The following FAM193A variants were observed in gnomAD, a reference collection of about 807,000 sequenced individuals.
FAM193A encodes protein FAM193A.
Under a neutral mutation model 126.5 loss-of-function variants are expected in FAM193A, and 22 were observed. The observed-to-expected ratio is 0.17, with a 90% CI of 0.12 to 0.25. The LOEUF is 0.25. FAM193A is among the 10% of genes least tolerant of loss of function. FAM193A has a pLI of 1.00. For synonymous variants in FAM193A, 761 were observed against 646.8 expected (o/e 1.18, Z -2.68); for missense variants, 1,675 against 1,672.8 (o/e 1.00, Z -0.02).
intron 13 of FAM193A, among the ~76,000 whole-genome samples, chr4:2,676,603 G>C (rs1714428624): frequency 6.6e-6 from 1 of 152,020 alleles, no homozygotes; most frequent in South Asian, 2.1e-4. Flanking sequence ...CCATTCTGTG[G>C]GTTGCCTTTT....
chr4:2,710,414 C>G (rs1577252000), intron 19 of FAM193A, among the ~76,000 whole-genome samples: 1 of 152,158 alleles, frequency 6.6e-6, no homozygotes, highest in Admixed American at 6.5e-5. Context: ...ACCTCATGAT[C>G]CACCCGCCTT....
intron 6 of FAM193A, among the ~76,000 whole-genome samples, chr4:2,641,269 A>T (rs1577119393): frequency 6.6e-6 from 1 of 150,652 alleles, no homozygotes; most frequent in African/African-American, 2.4e-5. Context: ...GTGGTCTTGA[A>T]CTCCTGACGT....
At chr4:2,715,591 A>C in intron 19 of FAM193A, 1 of 861,694 alleles carries the variant, frequency 1.2e-6, no homozygotes, top group Non-Finnish European at 1.4e-6. Context: ...TTTCCTTAAC[A>C]TGGGCCTGTC....
rs374216640 is a variant in FAM193A at position 2,659,584 on chromosome 4, C to T, written c.1416C>T (p.Gly472=). Residue 472 remains glycine (G), a synonymous_variant, in exon 9 of 21, where the codon GGC becomes GGT. Coordinates refer to ENST00000637812, the MANE Select transcript of FAM193A (RefSeq NM_001366318.2). ...EQLTNKKAVT[G]ENNFTDTMRH... ...TAACCAATAAGAAAGCAGTTACTGG[C>T]GAGAACAACTTCACAGACACCATGA... 1.5e-5 allele frequency: 25 copies of T among 1,613,886 alleles called. No homozygotes were observed. The highest frequency in any genetic ancestry group is 9.9e-5 in the South Asian group (9 of 91,080).
chr4:2,657,392 C>T (rs924808988), intron 7 of FAM193A, among the ~76,000 whole-genome samples: 2 of 152,170 alleles, frequency 1.3e-5, no homozygotes, highest in African/African-American at 2.4e-5. Context: ...TTTTAAGTCT[C>T]ATATGCCTGT....
At chr4:2,557,660 G>A (rs962246469) in intron 1 of FAM193A, among the ~76,000 whole-genome samples, 3 of 152,074 alleles carry the variant, frequency 2.0e-5, no homozygotes, top group African/African-American at 7.2e-5. Context: ...TCAGTAAAAT[G>A]GTTAACTTTT....
chr4:2,584,655 G>A (rs181924080), intron 1 of FAM193A, among the ~76,000 whole-genome samples: 5 of 152,174 alleles, frequency 3.3e-5, no homozygotes, highest in Non-Finnish European at 5.9e-5. Context: ...GGCAGGGTGC[G>A]GTGGCTCAAG....
chr4:2,715,796 A>C lies in FAM193A; in HGVS notation c.4373-227A>C, dbSNP rs138146008. Among the ~76,000 whole-genome samples, 103 of 152,360 alleles carry C rather than the reference A, an allele frequency of 6.8e-4. 1 individual carries two copies. The East Asian group carries it at 0.019, about 28-fold the overall frequency. ...CAAACATGTCTTCTAACGGGACCTGAAGCCACAGTTGCTTTGCTTAGTGGA... is the reference window on the plus strand; with the variant it reads ...CAAACATGTCTTCTAACGGGACCTGCAGCCACAGTTGCTTTGCTTAGTGGA... On this transcript the variant is annotated intron_variant, in intron 19 of 20. Transcript: ENST00000637812.
chr4:2,550,902 G>GC (rs1737882401), intron 1 of FAM193A, among the ~76,000 whole-genome samples: 1 of 151,716 alleles, frequency 6.6e-6, no homozygotes, highest in African/African-American at 2.4e-5. Context: ...CCGGGTTCAC[G>GC]CCATTCTCCT....
intron 14 of FAM193A, among the ~76,000 whole-genome samples, chr4:2,690,024 G>T (rs754066722): frequency 2.6e-5 from 4 of 152,194 alleles, no homozygotes; most frequent in Non-Finnish European, 5.9e-5. Context: ...TTCAATTCTC[G>T]AGCAGTGGTG....
intron 1 of FAM193A, among the ~76,000 whole-genome samples, chr4:2,540,966 C>G (rs896161187): frequency 6.3e-5 from 9 of 142,760 alleles, no homozygotes; most frequent in African/African-American, 2.1e-4. Flanking sequence ...GTCTCAAAAT[C>G]CGTCTCAAAA....
intron 19 of FAM193A, among the ~76,000 whole-genome samples, chr4:2,709,640 T>C (rs1577250171): frequency 6.6e-6 from 1 of 151,678 alleles, no homozygotes; most frequent in African/African-American, 2.4e-5. Context: ...ACCCGGGAGG[T>C]GGAGGTTGCA....
chr4:2,567,782 A>G (rs1739056058), intron 1 of FAM193A, among the ~76,000 whole-genome samples: 1 of 151,916 alleles, frequency 6.6e-6, no homozygotes, highest in Admixed American at 6.6e-5. Context: ...GACTCAGGAT[A>G]TGTGTGCTCA....
chr4:2,565,403 G>A (rs1738881818), intron 1 of FAM193A, among the ~76,000 whole-genome samples: 1 of 151,872 alleles, frequency 6.6e-6, no homozygotes, highest in Non-Finnish European at 1.5e-5. Flanking sequence ...GGGACTACAG[G>A]CGTCCACCAC....
At chr4:2,680,600 G>T (rs947664895) in intron 13 of FAM193A, among the ~76,000 whole-genome samples, 4 of 152,000 alleles carry the variant, frequency 2.6e-5, no homozygotes, top group Non-Finnish European at 5.9e-5. Context: ...GCCTCCCAAA[G>T]TGCTGGGATT....
At chr4:2,600,388 C>T (rs1300318326) in intron 2 of FAM193A, among the ~76,000 whole-genome samples, 1 of 152,196 alleles carries the variant, frequency 6.6e-6, no homozygotes, top group East Asian at 1.9e-4. Flanking sequence ...TCTCTTCCCT[C>T]CATGTGGCAG....
At chr4:2,704,573 A>T (rs1028301040) in intron 19 of FAM193A, among the ~76,000 whole-genome samples, 27 of 152,136 alleles carry the variant, frequency 1.8e-4, no homozygotes, top group African/African-American at 5.6e-4. Context: ...TGAAAAAAAA[A>T]TAAAATAAAA....
At chr4:2,715,918 A>T in intron 19 of FAM193A, 105 bp from the exon 20 acceptor site, 1 of 771,122 alleles carries the variant, frequency 1.3e-6, no homozygotes, top group Non-Finnish European at 2.3e-6. Flanking sequence ...AAATGTTTAC[A>T]ATTTTTGAAG....
chr4:2,653,965 CT>C (rs1444196995), intron 7 of FAM193A, among the ~76,000 whole-genome samples: 1 of 152,104 alleles, frequency 6.6e-6, no homozygotes, highest in Non-Finnish European at 1.5e-5. Context: ...GTCAGCAGGG[CT>C]ATGTTCCCCT....
Sources: gnomAD v4.1 joint callset for allele counts (sites outside exome capture counted in the v4.1 genomes callset) on GRCh38, gnomAD v4.1.1 for gene constraint, MANE v1.5 for transcripts, NCBI Gene and HGNC (gene_info 2026-07-23, HGNC 2026-07-21) for gene names.